ASRGL1: variants seen among roughly 807,000 people sequenced by gnomAD.
The protein encoded by ASRGL1 is asparaginase and isoaspartyl peptidase 1, also known as isoaspartyl peptidase/L-asparaginase.
Under a neutral mutation model 22.4 loss-of-function variants are expected in ASRGL1, and 16 were observed. The ratio of observed to expected loss-of-function variants is 0.71; its 90% CI spans 0.48 to 1.08. The LOEUF is 1.08. Ranked by LOEUF, ASRGL1 falls within the 50% of genes least tolerant of loss-of-function variation. ASRGL1 has a pLI of 0.00. For synonymous variants in ASRGL1, 165 were observed against 159.3 expected, an observed-to-expected ratio of 1.04 and a Z score of -0.27; for missense variants, 412 against 410.1, an observed-to-expected ratio of 1.00 and a Z score of -0.04.
chr11:62,378,816 T>C (rs993269229), intron 4 of ASRGL1, among the ~76,000 whole-genome samples: 2 of 152,158 alleles, frequency 1.3e-5, no homozygotes, highest in Admixed American at 6.5e-5. Flanking sequence ...GCCACTGATT[T>C]ACCCATACCG....
chr11:62,373,148 G>T, intron 4 of ASRGL1: 2 of 1,371,684 alleles, frequency 1.5e-6, no homozygotes, highest in Non-Finnish European at 2.1e-6. Flanking sequence ...TCAAGAAACT[G>T]CCAGAATACA....
intron 4 of ASRGL1, among the ~76,000 whole-genome samples, chr11:62,359,672 A>G (rs3018619): frequency 0.23 from 34,786 of 151,988 alleles, 4,244 homozygotes; most frequent in East Asian, 0.34. Flanking sequence ...GTAAGTGCAC[A>G]GCACAGGTCT....
At chr11:62,364,713 A>G (rs1343611269) in intron 4 of ASRGL1, among the ~76,000 whole-genome samples, 1 of 152,222 alleles carries the variant, frequency 6.6e-6, no homozygotes, top group Non-Finnish European at 1.5e-5. Flanking sequence ...ACTAAGTGAA[A>G]TAAGCCAGTC....
In ASRGL1 at chr11:62,386,831, A is replaced by G. The variant is rs75436541; in HGVS notation, c.492-2302A>G. Among the ~76,000 whole-genome samples the G allele has an allele frequency of 7.9e-5, 12 of 152,254 alleles. No homozygotes were observed. In the East Asian group the frequency reaches 2.3e-3, roughly 29 times the overall value. The stretch of plus-strand genomic sequence containing the variant: ...GTTCCACTTCCTGCACATCCTTGCC[A>G]GGTTTGATGTGCCTCTTCATTTTAG... On this transcript the variant is annotated intron_variant, in intron 4 of 6. Transcript: ENST00000415229.
At chr11:62,338,256 T>C in intron 2 of ASRGL1, 89 bp downstream of exon 2, 1 of 1,295,886 alleles carries the variant, frequency 7.7e-7, no homozygotes. Context: ...TTAGGGAATC[T>C]AATGAGCTTT....
At chr11:62,371,580 C>A in intron 4 of ASRGL1, 1 of 687,594 alleles carries the variant, frequency 1.5e-6, no homozygotes. Context: ...CGGAAGGCCA[C>A]AGGGACTTCC....
At chr11:62,351,326 CTTTA>C (rs1160857019) in intron 2 of ASRGL1, among the ~76,000 whole-genome samples, 1 of 152,082 alleles carries the variant, frequency 6.6e-6, no homozygotes, top group African/African-American at 2.4e-5. Flanking sequence ...TTTCTCCTTT[CTTTA>C]TTCTTTCTTC....
chr11:62,396,594 A>G (rs1947435296), downstream of ASRGL1, among the ~76,000 whole-genome samples: 1 of 152,200 alleles, frequency 6.6e-6, no homozygotes, highest in Non-Finnish European at 1.5e-5. Context: ...TCCTAGATCT[A>G]GAGGCAGCCC....
chr11:62,359,267 T>A (rs1025177591), intron 4 of ASRGL1, among the ~76,000 whole-genome samples: 11 of 152,116 alleles, frequency 7.2e-5, no homozygotes, highest in Non-Finnish European at 1.6e-4. Context: ...ACTAACATGG[T>A]GAGCCCTGTC....
intron 5 of ASRGL1, 23 bp downstream of exon 5, chr11:62,389,274 G>GC: frequency 1.9e-6 from 3 of 1,587,284 alleles, no homozygotes; most frequent in Non-Finnish European, 2.6e-6. Flanking sequence ...GATGCCTCCT[G>GC]CCCCTTCCCC....
intron 2 of ASRGL1, among the ~76,000 whole-genome samples, chr11:62,346,690 T>C (rs1234044922): frequency 6.6e-6 from 1 of 152,042 alleles, no homozygotes; most frequent in African/African-American, 2.4e-5. Context: ...AACATCTGGG[T>C]CAGGCGCAGT....
At chr11:62,355,742 G>C (rs1489149543) in intron 2 of ASRGL1, among the ~76,000 whole-genome samples, 5 of 151,732 alleles carry the variant, frequency 3.3e-5, no homozygotes, top group Admixed American at 1.3e-4. Flanking sequence ...AAAGGTCTCT[G>C]GTTTTCCTAG....
chr11:62,344,142 C>T (rs187292442), intron 2 of ASRGL1, among the ~76,000 whole-genome samples: 150 of 152,162 alleles, frequency 9.9e-4, no homozygotes, highest in Middle Eastern at 3.4e-3. Flanking sequence ...GTGATCCACA[C>T]ACCTCAGCCT....
At chr11:62,337,699 G>C (rs996183870) in intron 1 of ASRGL1, 125 bp downstream of exon 1, 1 of 375,610 alleles carries the variant, frequency 2.7e-6, no homozygotes, top group Admixed American at 4.5e-5. Flanking sequence ...TTGGAGGCGG[G>C]CGGCGGTGGG....
At chr11:62,350,960 T>C (rs892847676) in intron 2 of ASRGL1, among the ~76,000 whole-genome samples, 5 of 152,238 alleles carry the variant, frequency 3.3e-5, no homozygotes, top group Non-Finnish European at 7.3e-5. Context: ...TGCCTTCCTA[T>C]GGGTTGTTTG....
At chr11:62,368,348 T>A (rs1946671979) in intron 4 of ASRGL1, among the ~76,000 whole-genome samples, 1 of 152,172 alleles carries the variant, frequency 6.6e-6, no homozygotes, top group Non-Finnish European at 1.5e-5. Context: ...ACTACTGTTT[T>A]ACACCTACTG....
chr11:62,360,163 T>A (rs1946399580), intron 4 of ASRGL1, among the ~76,000 whole-genome samples: 1 of 151,640 alleles, frequency 6.6e-6, no homozygotes, highest in Admixed American at 6.6e-5. Context: ...GAGTAGCTGG[T>A]ATTACAGGTG....
At chr11:62,380,314 A>C (rs1947032814) in intron 4 of ASRGL1, among the ~76,000 whole-genome samples, 1 of 152,030 alleles carries the variant, frequency 6.6e-6, no homozygotes, top group South Asian at 2.1e-4. Flanking sequence ...TCGGTAATTG[A>C]CTTTTGAGCA....
At position 62,340,561 on chromosome 11, in the gene ASRGL1, G is replaced by T. The variant is rs904717146; in HGVS notation, c.190+2394G>T. On this transcript the variant is annotated intron_variant, in intron 2 of 6. Coordinates refer to ENST00000415229, the MANE Select transcript of ASRGL1 (RefSeq NM_001083926.2). ...TCATCTGCATGCATTGGGAAGCACA[G>T]ATTAGGGAATTGGAGCAGCTAGTTC... 5.9e-5 allele frequency among the ~76,000 whole-genome samples: 9 copies of T among 152,354 alleles called. No homozygotes were observed. The East Asian group carries it at 1.7e-3, about 29-fold the overall frequency.
Sources: gnomAD v4.1 joint callset for allele counts (sites outside exome capture counted in the v4.1 genomes callset) on GRCh38, gnomAD v4.1.1 for gene constraint, MANE v1.5 for transcripts, NCBI Gene and HGNC (gene_info 2026-07-23, HGNC 2026-07-21) for gene names.